DNER: variants seen among roughly 807,000 people sequenced by gnomAD.
The protein encoded by DNER is delta and Notch-like epidermal growth factor-related receptor.
Under a neutral mutation model 78.2 loss-of-function variants are expected in DNER, and 33 were observed. The ratio of observed to expected loss-of-function variants is 0.42; its 90% CI spans 0.32 to 0.56. The LOEUF is 0.56. Among genes scored for constraint, DNER ranks in the 20% least tolerant of loss-of-function variants. The pLI is 0.11. For synonymous variants in DNER, 417 were observed against 384.8 expected (o/e 1.08, Z -0.98); for missense variants, 918 against 975.3 (o/e 0.94, Z 0.78).
chr2:229,421,942 TTTAA>T (rs1371010614), intron 8 of DNER, among the ~76,000 whole-genome samples: 2 of 152,308 alleles, frequency 1.3e-5, no homozygotes, highest in East Asian at 3.9e-4. Context: ...CAAGATCATC[TTTAA>T]TTGTTTCCAT....
At chr2:229,423,912 T>C (rs552743501) in intron 8 of DNER, among the ~76,000 whole-genome samples, 12 of 152,336 alleles carry the variant, frequency 7.9e-5, no homozygotes, top group Admixed American at 3.3e-4. Context: ...TCTGAAATCC[T>C]ATTTTTATCA....
chr2:229,490,223 G>A (rs1003568928), intron 6 of DNER, among the ~76,000 whole-genome samples: 3 of 152,210 alleles, frequency 2.0e-5, no homozygotes, highest in African/African-American at 7.2e-5. Context: ...AGGGAGACAA[G>A]GTTAGAAGCA....
At chr2:229,460,156 CAAAAAAAAAAAAAAA>C (rs5839331) in intron 7 of DNER, among the ~76,000 whole-genome samples, 1,355 of 85,546 alleles carry the variant, frequency 0.016, 55 homozygotes, top group African/African-American at 0.054. Context: ...GACTCCGTCT[CAAAAAAAAAAAAAAA>C]AAAAAAAAAA....
intron 1 of DNER, among the ~76,000 whole-genome samples, chr2:229,662,741 A>G (rs1228808542): frequency 1.3e-5 from 2 of 152,176 alleles, no homozygotes; most frequent in Non-Finnish European, 2.9e-5. Context: ...CAGGTCAACA[A>G]AGCCACCAGT....
At chr2:229,438,078 A>G (rs190855523) in intron 8 of DNER, among the ~76,000 whole-genome samples, 141 of 152,368 alleles carry the variant, frequency 9.3e-4, no homozygotes, top group African/African-American at 3.3e-3. Flanking sequence ...AGCTTCAGTC[A>G]CAGGTAGTTC....
At chr2:229,390,457 C>T (rs1484846576) in intron 10 of DNER, among the ~76,000 whole-genome samples, 3 of 152,238 alleles carry the variant, frequency 2.0e-5, no homozygotes, top group African/African-American at 7.2e-5. Flanking sequence ...AGGGCAGCCC[C>T]CATGCACGTA....
At chr2:229,478,231 T>C (rs1395320313) in intron 6 of DNER, among the ~76,000 whole-genome samples, 1 of 95,738 alleles carries the variant, frequency 1.0e-5, no homozygotes. Context: ...ATTATGATCA[T>C]AGTGTAACAC....
intron 1 of DNER, among the ~76,000 whole-genome samples, chr2:229,675,118 T>C (rs1293116937): frequency 6.6e-6 from 1 of 152,236 alleles, no homozygotes; most frequent in Non-Finnish European, 1.5e-5. Flanking sequence ...AGGAAGCTAA[T>C]GATTCTAAGT....
chr2:229,647,846 G>A (rs1282958785), intron 1 of DNER, among the ~76,000 whole-genome samples: 3 of 152,154 alleles, frequency 2.0e-5, no homozygotes, highest in Non-Finnish European at 4.4e-5. Context: ...TGAAATCTAT[G>A]ACATATTTGC....
At chr2:229,692,235 A>G (rs750082723) in intron 1 of DNER, among the ~76,000 whole-genome samples, 1 of 152,228 alleles carries the variant, frequency 6.6e-6, no homozygotes, top group South Asian at 2.1e-4. Context: ...CTGGTCTTCA[A>G]ACCTCTCTGG....
chr2:229,569,859 G>A (rs1697184377), intron 4 of DNER, among the ~76,000 whole-genome samples: 2 of 152,100 alleles, frequency 1.3e-5, no homozygotes, highest in South Asian at 2.1e-4. Context: ...TATGTATAAT[G>A]GATGGATGGG....
At chr2:229,697,872 A>G (rs1414724338) in intron 1 of DNER, among the ~76,000 whole-genome samples, 2 of 152,136 alleles carry the variant, frequency 1.3e-5, no homozygotes, top group Non-Finnish European at 2.9e-5. Flanking sequence ...CTGAGGAAGG[A>G]GTTTTCAAGG....
Position 229,396,692 on chromosome 2 carries a change from C to T in DNER, c.1724-8296G>A, listed in dbSNP as rs190261422. Among the ~76,000 whole-genome samples the T allele has an allele frequency of 2.9e-3, 445 of 152,242 alleles. 3 individuals are homozygous for T. The highest frequency in any genetic ancestry group is 9.7e-3 in the African/African-American group (405 of 41,552). On this transcript the variant is annotated intron_variant, in intron 10 of 12. Coordinates refer to ENST00000341772, the MANE Select transcript of DNER (RefSeq NM_139072.4). ...AAGGAAAAAGTGAAATATTAAACCC[C>T]TTGGTAATTGTTATCTGTCATAGCT...
intron 1 of DNER, among the ~76,000 whole-genome samples, chr2:229,598,552 T>C (rs1242633427): frequency 6.6e-6 from 1 of 151,588 alleles, no homozygotes; most frequent in Non-Finnish European, 1.5e-5. Flanking sequence ...CCCAACACCT[T>C]TATGTTAAAC....
intron 6 of DNER, among the ~76,000 whole-genome samples, chr2:229,494,601 C>T (rs1695465044): frequency 6.6e-6 from 1 of 152,206 alleles, no homozygotes; most frequent in African/African-American, 2.4e-5. Flanking sequence ...CCCAGAGACA[C>T]TGGGCAGTTA....
chr2:229,638,549 A>G (rs1024944176), intron 1 of DNER, among the ~76,000 whole-genome samples: 11 of 152,216 alleles, frequency 7.2e-5, no homozygotes, highest in Admixed American at 3.3e-4. Context: ...CAACCTGCAC[A>G]TTTTGACATG....
At chr2:229,670,832 A>C (rs982075191) in intron 1 of DNER, among the ~76,000 whole-genome samples, 1 of 152,180 alleles carries the variant, frequency 6.6e-6, no homozygotes, top group African/African-American at 2.4e-5. Flanking sequence ...TTTTTATTTT[A>C]CTTATTTGCA....
At chr2:229,664,998 A>C (rs1699064474) in intron 1 of DNER, among the ~76,000 whole-genome samples, 1 of 152,240 alleles carries the variant, frequency 6.6e-6, no homozygotes, top group Non-Finnish European at 1.5e-5. Context: ...GAATTACTCA[A>C]GCAAGCTTCA....
At chr2:229,585,669 A>G (rs932464142) in intron 4 of DNER, among the ~76,000 whole-genome samples, 189 bp downstream of exon 4, 10 of 152,096 alleles carry the variant, frequency 6.6e-5, no homozygotes, top group East Asian at 1.9e-4. Context: ...TCAAAAAAAA[A>G]AAAAAGAAAA....
Sources: allele counts gnomAD v4.1 joint callset (sites outside exome capture counted in the v4.1 genomes callset), GRCh38; gene constraint gnomAD v4.1.1; transcripts MANE v1.5; gene names NCBI Gene and HGNC (gene_info 2026-07-23, HGNC 2026-07-21).